Variants in CNTNAP2 observed in about 807,000 individuals in gnomAD.
The protein encoded by CNTNAP2 is contactin associated protein 2.
In CNTNAP2, 98 loss-of-function variants were observed where a neutral mutation model predicts 155.2. The observed-to-expected ratio is 0.63, with a 90% confidence interval of 0.54 to 0.75. The LOEUF (loss-of-function observed/expected upper bound fraction) is 0.75, where lower values mean the gene tolerates loss of function less well. Ranked by LOEUF, CNTNAP2 falls within the 30% of genes least tolerant of loss-of-function variation. The probability of loss-of-function intolerance (pLI) is 0.00; values close to 1 mark genes in which losing one functional copy is unlikely to be tolerated. For synonymous variants in CNTNAP2, 651 were observed against 631.2 expected (o/e 1.03, Z -0.47); for missense variants, 1,727 against 1,688.1 (o/e 1.02, Z -0.40).
chr7:147,291,175 G>C (rs2116748275), intron 8 of CNTNAP2, among the ~76,000 whole-genome samples: 1 of 151,628 alleles, frequency 6.6e-6, no homozygotes, highest in Middle Eastern at 3.4e-3. Context: ...TATTTTACTT[G>C]AAGTTCTGGG....
intron 1 of CNTNAP2, among the ~76,000 whole-genome samples, chr7:146,150,006 A>G (rs1048074691): frequency 2.0e-5 from 3 of 152,108 alleles, no homozygotes; most frequent in African/African-American, 7.2e-5. Flanking sequence ...TATGGGAGAA[A>G]ATATTCACAC....
In CNTNAP2 at chr7:147,259,967, A is replaced by G. The variant is rs114822946; in HGVS notation, c.1349-40174A>G. Among the ~76,000 whole-genome samples, 436 of 152,280 alleles carry G rather than the reference A, an allele frequency of 2.9e-3. 2 individuals are homozygous for G. The highest frequency in any genetic ancestry group is 0.01 in the African/African-American group (422 of 41,558). ...GCTGTAACTGAGTACATTTTCCACT[A>G]TCCCTCCCTCCCCACAAAAGGATAG... On this transcript the variant is annotated intron_variant, in intron 8 of 23. Transcript: ENST00000361727.
At chr7:147,292,711 A>C (rs952858359) in intron 8 of CNTNAP2, among the ~76,000 whole-genome samples, 1 of 152,152 alleles carries the variant, frequency 6.6e-6, no homozygotes, top group East Asian at 1.9e-4. Context: ...CTGTAAGAAA[A>C]GAATTCATCC....
chr7:147,217,685 C>A (rs756481895), intron 8 of CNTNAP2, among the ~76,000 whole-genome samples: 2 of 151,932 alleles, frequency 1.3e-5, no homozygotes, highest in African/African-American at 4.8e-5. Flanking sequence ...AGTTTTTCCT[C>A]AGCTTCTATC....
intron 14 of CNTNAP2, among the ~76,000 whole-genome samples, chr7:147,958,776 C>A (rs1801067564): frequency 6.6e-6 from 1 of 152,146 alleles, no homozygotes. Flanking sequence ...AAGACAGACA[C>A]TGAAATTGCT....
chr7:146,479,606 T>G (rs999470496), intron 1 of CNTNAP2, among the ~76,000 whole-genome samples: 2 of 152,054 alleles, frequency 1.3e-5, no homozygotes, highest in Non-Finnish European at 2.9e-5. Flanking sequence ...GAACAATTAA[T>G]TTATAAAAAA....
chr7:146,921,287 A>T (rs10261967), intron 3 of CNTNAP2, among the ~76,000 whole-genome samples: 1,645 of 152,264 alleles, frequency 0.011, 31 homozygotes, highest in African/African-American at 0.038. Flanking sequence ...ATTAATTAGG[A>T]ATAAAAACTA....
chr7:146,832,444 G>A (rs1585112938), intron 2 of CNTNAP2, among the ~76,000 whole-genome samples: 1 of 149,682 alleles, frequency 6.7e-6, no homozygotes, highest in East Asian at 1.9e-4. Flanking sequence ...CAGGTTTACT[G>A]ATGTATAATT....
At chr7:147,730,226 G>A (rs891115775) in intron 13 of CNTNAP2, among the ~76,000 whole-genome samples, 2 of 152,040 alleles carry the variant, frequency 1.3e-5, no homozygotes, top group African/African-American at 4.8e-5. Flanking sequence ...CCTTTCAGAA[G>A]GGCAGATAAA....
chr7:146,775,939 A>G (rs960851199), intron 2 of CNTNAP2, among the ~76,000 whole-genome samples: 1 of 152,114 alleles, frequency 6.6e-6, no homozygotes, highest in Non-Finnish European at 1.5e-5. Context: ...CATTTTTATA[A>G]CCTGATATTC....
intron 11 of CNTNAP2, among the ~76,000 whole-genome samples, chr7:147,548,724 G>A (rs2116760218): frequency 6.6e-6 from 1 of 152,204 alleles, no homozygotes; most frequent in African/African-American, 2.4e-5. Context: ...TTCTTCTAGG[G>A]TTTTTATGAT....
At chr7:148,120,563 A>G (rs1319987540) in intron 16 of CNTNAP2, among the ~76,000 whole-genome samples, 1 of 152,112 alleles carries the variant, frequency 6.6e-6, no homozygotes, top group Non-Finnish European at 1.5e-5. Flanking sequence ...CACTGCACCC[A>G]GCCACTAATT....
intron 1 of CNTNAP2, among the ~76,000 whole-genome samples, chr7:146,242,537 C>CA (rs200094549): frequency 0.088 from 11,316 of 128,044 alleles, 1,036 homozygotes; most frequent in African/African-American, 0.24. Flanking sequence ...GACTCTGTCT[C>CA]AAAAAAAAAA....
At chr7:147,092,338 A>G (rs909405186) in intron 4 of CNTNAP2, among the ~76,000 whole-genome samples, 2 of 152,230 alleles carry the variant, frequency 1.3e-5, no homozygotes, top group African/African-American at 4.8e-5. Flanking sequence ...AGAATTCTGC[A>G]ACTTTGCAAT....
At chr7:148,301,166 C>T (rs1189072353) in intron 21 of CNTNAP2, among the ~76,000 whole-genome samples, 10 of 151,700 alleles carry the variant, frequency 6.6e-5, no homozygotes, top group South Asian at 2.1e-4. Context: ...TGGTGGCATG[C>T]GCCTGTAATC....
At chr7:146,683,766 G>A (rs561856989) in intron 1 of CNTNAP2, among the ~76,000 whole-genome samples, 2 of 152,238 alleles carry the variant, frequency 1.3e-5, no homozygotes, top group South Asian at 2.1e-4. Context: ...TATCACATGT[G>A]GCATATAAGT....
intron 3 of CNTNAP2, among the ~76,000 whole-genome samples, chr7:146,979,100 G>A (rs2129236089): frequency 6.6e-6 from 1 of 152,240 alleles, no homozygotes; most frequent in East Asian, 1.9e-4. Flanking sequence ...TGAGAATCAA[G>A]TGACTTTCCC....
intron 3 of CNTNAP2, among the ~76,000 whole-genome samples, chr7:147,029,760 A>G (rs897082131): frequency 3.3e-5 from 5 of 152,212 alleles, no homozygotes; most frequent in African/African-American, 1.2e-4. Context: ...TACATTTAGT[A>G]TTAGAATTAT....
intron 4 of CNTNAP2, among the ~76,000 whole-genome samples, chr7:147,061,781 A>G (rs897911823): frequency 6.6e-6 from 1 of 152,192 alleles, no homozygotes; most frequent in African/African-American, 2.4e-5. Context: ...AACAAAACAA[A>G]AAAACACTAG....
Sources: gnomAD v4.1 joint callset for allele counts (sites outside exome capture counted in the v4.1 genomes callset) on GRCh38, gnomAD v4.1.1 for gene constraint, MANE v1.5 for transcripts, NCBI Gene and HGNC (gene_info 2026-07-23, HGNC 2026-07-21) for gene names.